Variants in OR1I1 observed in about 807,000 individuals in gnomAD.
OR1I1 encodes the protein olfactory receptor 1I1.
For missense variants in OR1I1, 451 were observed against 443.6 expected (o/e 1.02, Z -0.15); for synonymous variants, 171 against 181.4 (o/e 0.94, Z 0.46).
chr19:15,084,128 T>C (rs751415091), intron 1 of OR1I1, among the ~76,000 whole-genome samples: 1 of 152,002 alleles, frequency 6.6e-6, no homozygotes, highest in African/African-American at 2.4e-5. Context: ...AGAGTGAAAA[T>C]AAGTCTAAAT....
Position 15,087,882 on chromosome 19 carries a change from G to A in OR1I1, c.817G>A (p.Ala273Thr). 4 of 1,614,208 alleles carry A rather than the reference G, an allele frequency of 2.5e-6. No individual in the cohort carries two copies. Among genetic ancestry groups the A allele is most frequent in the Non-Finnish European group, 3.4e-6 (4 of 1,180,048 alleles). The change falls in exon 2 of 2, where the codon GCA (alanine) becomes ACA (threonine). Residue 273 changes from alanine (A) to threonine (T), a missense_variant. Coordinates refer to ENST00000641398, the MANE Select transcript of OR1I1 (RefSeq NM_001004713.2). ...CCCCAGCTCCTCCCAGAAGGACAAG[G>A]CAGCCGCCCTAATGTGTGGGGTGTT... ...TSPSSSQKDK[A>T]AALMCGVFIP...
In OR1I1 at chr19:15,088,111, C is replaced by T. The variant is rs372953371; in HGVS notation, c.1046C>T (p.Ala349Val). The change falls in exon 2 of 2, where the codon GCT becomes GTT. Residue 349 changes from alanine (A) to valine (V), a missense_variant. Physicochemically the swap from Ala to Val is moderately conservative, Grantham distance 64 (BLOSUM62 0). Coordinates refer to ENST00000641398, the MANE Select transcript of OR1I1 (RefSeq NM_001004713.2). ...TACCCTGGAGGAGTTCAGAGTCTAGCTGGGAACAGAGACATGGAATAAATC... is the reference window on the plus strand; with the variant it reads ...TACCCTGGAGGAGTTCAGAGTCTAGTTGGGAACAGAGACATGGAATAAATC... The part of the protein sequence containing the change: ...IPYPGGVQSL[A>V]GNRDME 5 of 1,556,334 alleles carry T rather than the reference C, an allele frequency of 3.2e-6. No homozygotes were observed. In the South Asian group the frequency reaches 3.5e-5, roughly 11 times the overall value.
In OR1I1 at chr19:15,088,068, G is replaced by A. The variant is rs1246816830; in HGVS notation, c.1003G>A (p.Glu335Lys). Reference protein sequence around the residue: ...PGSLLAARDTEMHPIPYPGGV... With the variant: ...PGSLLAARDTKMHPIPYPGGV... Reference sequence around the variant, plus strand: ...ATCACTGTTGGCTGCTAGGGACACAGAGATGCATCCCATCCCCTACCCTGG... The same window carrying A: ...ATCACTGTTGGCTGCTAGGGACACAAAGATGCATCCCATCCCCTACCCTGG... The change falls in exon 2 of 2, where the codon GAG (glutamate) becomes AAG (lysine). Residue 335 changes from glutamate (E) to lysine (K), a missense_variant. Glu to Lys is a moderately conservative substitution (Grantham distance 56). Transcript: ENST00000641398. The A allele has an allele frequency of 6.3e-7, 1 of 1,586,320 alleles. No homozygotes were observed. Among genetic ancestry groups the A allele is most frequent in the Admixed American group, 1.8e-5 (1 of 56,796 alleles).
chr19:15,087,274 A>G lies in OR1I1; in HGVS notation c.209A>G (p.Asp70Gly). The G allele has an allele frequency of 6.2e-7, 1 of 1,613,938 alleles. No individual in the cohort carries two copies. The change falls in exon 2 of 2, where the codon GAC (aspartate) becomes GGC (glycine). Residue 70 changes from aspartate (D) to glycine (G), a missense_variant. By Grantham distance (94) the Asp-to-Gly change is moderately conservative. Transcript: ENST00000641398. Reference protein sequence around the residue: ...YFFLFNLSLVDTLLSSTTVPK... With the variant: ...YFFLFNLSLVGTLLSSTTVPK... ...TTTCTCTTCAACCTCTCACTCGTTG[A>G]CACCCTATTATCCTCCACCACCGTC...
chr19:15,086,462 T>G (rs1343674527), intron 1 of OR1I1, among the ~76,000 whole-genome samples: 2 of 152,126 alleles, frequency 1.3e-5, no homozygotes, highest in African/African-American at 4.8e-5. Context: ...TTGTTTTTTG[T>G]TTTTTGTTTG....
chr19:15,083,880 C>T (rs1599309361), intron 1 of OR1I1, among the ~76,000 whole-genome samples: 2 of 152,080 alleles, frequency 1.3e-5, no homozygotes, highest in Admixed American at 6.6e-5. Flanking sequence ...CCCAGCTATT[C>T]GGGTGGCTGA....
Position 15,087,509 on chromosome 19 carries a change from A to G in OR1I1, c.444A>G (p.Ser148=). The G allele has an allele frequency of 6.2e-7, 1 of 1,614,142 alleles. No homozygotes were observed. Among genetic ancestry groups the G allele is most frequent in the Non-Finnish European group, 8.5e-7 (1 of 1,180,024 alleles). The change falls in exon 2 of 2, where the codon TCA becomes TCG. Residue 148 remains serine (S), a synonymous_variant. Coordinates refer to ENST00000641398, the MANE Select transcript of OR1I1 (RefSeq NM_001004713.2). ...TCTGTGGGCTGCTGCTGGGAGCATCATGGATGATCACCAACCTCCAGTCTC... is the reference window on the plus strand; with the variant it reads ...TCTGTGGGCTGCTGCTGGGAGCATCGTGGATGATCACCAACCTCCAGTCTC... ...SPVCGLLLGA[S]WMITNLQSLI...
At chr19:15,083,262 T>A (rs368542504) in intron 1 of OR1I1, among the ~76,000 whole-genome samples, 12 of 144,548 alleles carry the variant, frequency 8.3e-5, no homozygotes, top group African/African-American at 3.0e-4. Flanking sequence ...TTTTTGTAGA[T>A]CCAGGGCGGG....
At chr19:15,085,164 ATATATATATATATT>A (rs1225980793) in intron 1 of OR1I1, among the ~76,000 whole-genome samples, 1 of 31,318 alleles carries the variant, frequency 3.2e-5, no homozygotes, top group Non-Finnish European at 6.2e-5. Flanking sequence ...ATATATATAT[ATATATATATATATT>A]TTTTTTTTTG....
In OR1I1 at chr19:15,091,642, G is replaced by C. The variant is rs1417858441; in HGVS notation, c.*3509G>C. 2 of 150,560 alleles carry C rather than the reference G, an allele frequency of 1.3e-5. No homozygotes were observed. Among genetic ancestry groups the C allele is most frequent in the African/African-American group, 4.9e-5 (2 of 40,588 alleles). The allele number at this position is 150,560 out of a possible 1,614,324, so 9.3% of individuals were successfully genotyped here. ...CCACTGCACCCCAGCCTGGGTGACA[G>C]AGCGAGACTCCTCCTCAATTTAAAA... On this transcript the variant is annotated 3_prime_UTR_variant, in exon 2 of 2. Coordinates refer to ENST00000641398, the MANE Select transcript of OR1I1 (RefSeq NM_001004713.2).
At position 15,087,441 on chromosome 19, in the gene OR1I1, A is replaced by T. The variant is rs149983667; in HGVS notation, c.376A>T (p.Ile126Phe). 58 of 1,614,056 alleles carry T rather than the reference A, an allele frequency of 3.6e-5. No individual in the cohort carries two copies. In the East Asian group the frequency reaches 1.3e-3, roughly 35 times the overall value. The change falls in exon 2 of 2, where the codon ATT becomes TTT. Residue 126 changes from isoleucine (I) to phenylalanine (F), a missense_variant. Physicochemically the swap from Ile to Phe is conservative, Grantham distance 21. Coordinates refer to ENST00000641398, the MANE Select transcript of OR1I1 (RefSeq NM_001004713.2). ...AVMAIDRFVAIVHPQRYLVLM... is the reference protein window; with the variant it reads ...AVMAIDRFVAFVHPQRYLVLM... ...AATGGCCATCGACCGCTTCGTGGCC[A>T]TTGTCCACCCACAGCGTTACTTGGT...
At chr19:15,084,419 G>C (rs965100353) in intron 1 of OR1I1, among the ~76,000 whole-genome samples, 2 of 152,114 alleles carry the variant, frequency 1.3e-5, no homozygotes, top group Non-Finnish European at 2.9e-5. Flanking sequence ...TTAGCCATGC[G>C]TGGTGGTGCT....
In OR1I1 at chr19:15,086,952, A is replaced by G. The variant is rs1318291764; in HGVS notation, c.-13-101A>G. ...AAAGGAATTTGATGGATTTGATGGA[A>G]TTTTCACAGAACAGTATAGGTTTCC... On this transcript the variant is annotated intron_variant, in intron 1 of 1. Coordinates refer to ENST00000641398, the MANE Select transcript of OR1I1 (RefSeq NM_001004713.2). 5 of 1,448,280 alleles carry G rather than the reference A, an allele frequency of 3.5e-6. No homozygotes were observed. The Admixed American group carries it at 1.1e-4, about 33-fold the overall frequency. 89.7% of individuals were successfully genotyped at this position (1,448,280 alleles called of 1,614,324 possible). A position where few individuals can be genotyped will look rare whatever the true frequency, so the allele number is the denominator to read the frequency against.
rs71168567 is a variant in OR1I1, at chr19:15,088,773, G to GTAATAGATAGATAGATAGATAGATAGA, written c.*642_*643insATAGATAGATAGATAGATAGATAGATA. 2 of 147,194 alleles carry GTAATAGATAGATAGATAGATAGATAGA rather than the reference G, an allele frequency of 1.4e-5. No homozygotes were observed. Among genetic ancestry groups the GTAATAGATAGATAGATAGATAGATAGA allele is most frequent in the Admixed American group, 6.8e-5 (1 of 14,682 alleles). 9.1% of individuals were successfully genotyped at this position (147,194 alleles called of 1,614,324 possible). On this transcript the variant is annotated 3_prime_UTR_variant, in exon 2 of 2. Transcript: ENST00000641398. Reference sequence around the variant, plus strand: ...TAGATAGGGTGGATAGATAAGATATGTAGATAGATAGATAGATAGATAGAT... The same window carrying GTAATAGATAGATAGATAGATAGATAGA: ...TAGATAGGGTGGATAGATAAGATATGTAATAGATAGATAGATAGATAGATAGATAGATAGATAGATAGATAGATAGAT...
At position 15,092,952 on chromosome 19, in the gene OR1I1, T is replaced by C. The variant is rs59638731; in HGVS notation, c.*4819T>C. The C allele has an allele frequency of 0.023, 3,545 of 152,138 alleles. 60 individuals are homozygous for C. Among genetic ancestry groups the C allele is most frequent in the African/African-American group, 0.049 (2,032 of 41,460 alleles). 9.4% of individuals were successfully genotyped at this position (152,138 alleles called of 1,614,324 possible). ...AGGTCAAGGCTGCAGTGAGCTATGA[T>C]TGCACCACCGCACTCCAGCCTGGGG... On this transcript the variant is annotated 3_prime_UTR_variant, in exon 2 of 2. Transcript: ENST00000641398.
intron 1 of OR1I1, among the ~76,000 whole-genome samples, chr19:15,085,706 C>G (rs1045410447): frequency 4.6e-5 from 7 of 152,034 alleles, no homozygotes; most frequent in African/African-American, 1.7e-4. Flanking sequence ...CCGCCCCCAG[C>G]CCCTGGTAAC....
Position 15,087,090 on chromosome 19 carries a change from A to C in OR1I1, c.25A>C (p.Ile9Leu). 6.2e-7 allele frequency: 1 copy of C among 1,612,958 alleles called. No homozygotes were observed. Among genetic ancestry groups the C allele is most frequent in the East Asian group, 2.2e-5 (1 of 44,866 alleles). MEPEKQTE[I>L]SEFFLQGLSE... ...CATGGAACCAGAAAAGCAAACCGAA[A>C]TCTCAGAATTCTTCCTCCAGGGACT... The change falls in exon 2 of 2, where the codon ATC becomes CTC. Residue 9 changes from isoleucine to leucine, a missense_variant. Coordinates refer to ENST00000641398, the MANE Select transcript of OR1I1 (RefSeq NM_001004713.2).
rs1469750793 is a variant in OR1I1, at chr19:15,089,259, C to T, written c.*1126C>T. On this transcript the variant is annotated 3_prime_UTR_variant, in exon 2 of 2. Transcript: ENST00000641398. The stretch of plus-strand genomic sequence containing the variant: ...TTGAGACCTCCACTTGTAACTATGA[C>T]TGTGGTTGGGGCTTACTTTCTCAAT... The T allele has an allele frequency of 6.6e-6, 1 of 152,132 alleles. No homozygotes were observed. Among genetic ancestry groups the T allele is most frequent in the African/African-American group, 2.4e-5 (1 of 41,434 alleles). The allele number at this position is 152,132 out of a possible 1,614,324, so 9.4% of individuals were successfully genotyped here.
Position 15,087,747 on chromosome 19 carries a change from A to G in OR1I1, c.682A>G (p.Ile228Val), listed in dbSNP as rs889695121. The change falls in exon 2 of 2, where the codon ATC (isoleucine) becomes GTC (valine). Residue 228 changes from isoleucine (I) to valine (V), a missense_variant. Physicochemically the swap from Ile to Val is conservative, Grantham distance 29. Transcript: ENST00000641398. ...YIRIFWTVFK[I>V]PSTRGKWKAF... Reference sequence around the variant, plus strand: ...CCGCATTTTCTGGACAGTCTTTAAGATCCCTTCTACTCGGGGCAAGTGGAA... The same window carrying G: ...CCGCATTTTCTGGACAGTCTTTAAGGTCCCTTCTACTCGGGGCAAGTGGAA... 2 of 1,614,142 alleles carry G rather than the reference A, an allele frequency of 1.2e-6. No individual in the cohort carries two copies. Among genetic ancestry groups the G allele is most frequent in the African/African-American group, 1.3e-5 (1 of 75,022 alleles).
Sources: gnomAD v4.1 joint callset for allele counts (sites outside exome capture counted in the v4.1 genomes callset) on GRCh38, gnomAD v4.1.1 for gene constraint, MANE v1.5 for transcripts, NCBI Gene and HGNC (gene_info 2026-07-23, HGNC 2026-07-21) for gene names.